The following SUGCT variants were observed in gnomAD, a reference collection of about 807,000 sequenced individuals.
SUGCT encodes succinyl-CoA:glutarate-CoA transferase, also known as succinyl-CoA:glutarate CoA-transferase.
A neutral mutation model predicts 55.0 loss-of-function variants in SUGCT; 41 were observed. That is an observed-to-expected ratio of 0.74 (90% CI 0.58 to 0.97). The LOEUF is 0.97. SUGCT is among the 50% of genes least tolerant of loss of function. The pLI, the probability that SUGCT is intolerant of heterozygous loss-of-function variation, is 0.00. For synonymous variants in SUGCT, 187 were observed against 200.4 expected, an observed-to-expected ratio of 0.93 and a Z score of 0.56; for missense variants, 568 against 547.8, an observed-to-expected ratio of 1.04 and a Z score of -0.37.
chr7:40,982,505 G>A, the SUGCT span, among the ~76,000 whole-genome samples: 6 of 152,104 alleles, frequency 3.9e-5, no homozygotes, highest in Non-Finnish European at 7.4e-5. Flanking sequence ...ATAAACAATA[G>A]CAGTTTATTT....
chr7:40,511,082 T>C (rs1305988251), intron 12 of SUGCT, among the ~76,000 whole-genome samples: 1 of 152,172 alleles, frequency 6.6e-6, no homozygotes, highest in Non-Finnish European at 1.5e-5. Context: ...GTTTTCACAG[T>C]TAGACATAGT....
In SUGCT at chr7:40,788,706, C is replaced by T. The variant is rs1024421435; in HGVS notation, c.1153+39209C>T. Among the ~76,000 whole-genome samples the T allele has an allele frequency of 1.3e-4, 20 of 152,306 alleles. No individual in the cohort carries two copies. In the Middle Eastern group the frequency reaches 0.017, roughly 130 times the overall value. ...GCCTTTGCTTTCCACATGACCCTGT[C>T]ATGGCTCCTACTCATGGTAGTTCAG... On this transcript the variant is annotated intron_variant, in intron 13 of 13. Transcript: ENST00000335693.
At chr7:40,459,333 G>A in intron 11 of SUGCT, 135 bp downstream of exon 11, 1 of 602,232 alleles carries the variant, frequency 1.7e-6, no homozygotes. Flanking sequence ...ACTGGCTGGT[G>A]GAGAGATTTT....
At chr7:40,464,223 C>T (rs948398412) in intron 11 of SUGCT, among the ~76,000 whole-genome samples, 1 of 152,146 alleles carries the variant, frequency 6.6e-6, no homozygotes, top group Non-Finnish European at 1.5e-5. Context: ...GACTGTGTAC[C>T]ATTGTCCTGC....
At chr7:40,807,298 T>C (rs1046928756) in intron 13 of SUGCT, among the ~76,000 whole-genome samples, 1 of 152,204 alleles carries the variant, frequency 6.6e-6, no homozygotes, top group Non-Finnish European at 1.5e-5. Flanking sequence ...GGTGCCATGG[T>C]GGTTTGTTGC....
chr7:40,637,579 G>A (rs1421878249), intron 12 of SUGCT, among the ~76,000 whole-genome samples: 1 of 152,194 alleles, frequency 6.6e-6, no homozygotes, highest in Non-Finnish European at 1.5e-5. Flanking sequence ...TAGAACACAT[G>A]GCTCTCTAGA....
At chr7:40,587,273 G>A (rs1319276213) in intron 12 of SUGCT, among the ~76,000 whole-genome samples, 3 of 151,922 alleles carry the variant, frequency 2.0e-5, no homozygotes, top group African/African-American at 7.3e-5. Flanking sequence ...AACAAAAAGG[G>A]GTGAATTTTA....
chr7:40,400,056 A>G (rs1335674102), intron 9 of SUGCT, among the ~76,000 whole-genome samples: 3 of 152,168 alleles, frequency 2.0e-5, no homozygotes, highest in Non-Finnish European at 4.4e-5. Flanking sequence ...TCAAAAAATA[A>G]TAATAACAAA....
chr7:40,881,673 T>C, the SUGCT span, among the ~76,000 whole-genome samples: 15 of 152,204 alleles, frequency 9.9e-5, no homozygotes, highest in Non-Finnish European at 1.5e-5. Context: ...CCCCAATCTC[T>C]TTTCCAGATC....
intron 12 of SUGCT, among the ~76,000 whole-genome samples, chr7:40,691,739 G>A (rs1784708507): frequency 6.6e-6 from 1 of 152,136 alleles, no homozygotes; most frequent in African/African-American, 2.4e-5. Flanking sequence ...CTGCTTGGAT[G>A]AACTCACCTA....
chr7:40,875,461 C>T, the SUGCT span, among the ~76,000 whole-genome samples: 1 of 152,164 alleles, frequency 6.6e-6, no homozygotes, highest in Non-Finnish European at 1.5e-5. Context: ...CCATATCTTC[C>T]ATTCCAGGCT....
At chr7:40,190,634 A>G in intron 5 of SUGCT, among the ~76,000 whole-genome samples, 1 of 144,038 alleles carries the variant, frequency 6.9e-6, no homozygotes. Flanking sequence ...CATAGTCAGC[A>G]CTCATGAGGT....
Position 40,822,069 on chromosome 7 carries a change from C to T in SUGCT, c.1154-38247C>T, listed in dbSNP as rs543862139. On this transcript the variant is annotated intron_variant, in intron 13 of 13. Coordinates refer to ENST00000335693, the MANE Select transcript of SUGCT (RefSeq NM_001193313.2). Reference sequence around the variant, plus strand: ...ATTGTTCAGTTTCCATGTAGTTGAGCGGTTTTGAGTGAGTTTCTTCATCCT... The same window carrying T: ...ATTGTTCAGTTTCCATGTAGTTGAGTGGTTTTGAGTGAGTTTCTTCATCCT... 4.6e-5 allele frequency among the ~76,000 whole-genome samples: 7 copies of T among 152,214 alleles called. No homozygotes were observed. The East Asian group carries it at 5.8e-4, about 13-fold the overall frequency.
chr7:40,598,944 C>A (rs76463179), intron 12 of SUGCT, among the ~76,000 whole-genome samples: 3,836 of 152,302 alleles, frequency 0.025, 158 homozygotes, highest in African/African-American at 0.089. Flanking sequence ...GCATCTCTCT[C>A]ATCTCCAAGA....
chr7:40,582,697 C>T (rs915420001), intron 12 of SUGCT, among the ~76,000 whole-genome samples: 1 of 152,066 alleles, frequency 6.6e-6, no homozygotes, highest in African/African-American at 2.4e-5. Flanking sequence ...GCTCTGGCGT[C>T]GATAACTTCA....
At chr7:40,804,205 A>G (rs931167574) in intron 13 of SUGCT, among the ~76,000 whole-genome samples, 3 of 152,216 alleles carry the variant, frequency 2.0e-5, no homozygotes, top group Non-Finnish European at 2.9e-5. Flanking sequence ...GTGCATAAAT[A>G]TAACATTGGG....
chr7:40,295,991 G>A (rs1794118061), intron 8 of SUGCT, among the ~76,000 whole-genome samples: 2 of 152,088 alleles, frequency 1.3e-5, no homozygotes. Context: ...GACTGTTTCT[G>A]AACTCTGCAA....
At chr7:41,027,520 T>C in the SUGCT span, among the ~76,000 whole-genome samples, 2 of 152,176 alleles carry the variant, frequency 1.3e-5, no homozygotes, top group African/African-American at 2.4e-5. Context: ...ATATGCATAA[T>C]GTTCTGCGGT....
chr7:40,267,556 T>C (rs928682077), intron 7 of SUGCT, among the ~76,000 whole-genome samples: 1 of 152,164 alleles, frequency 6.6e-6, no homozygotes, highest in African/African-American at 2.4e-5. Context: ...TTACCCATGA[T>C]AGAGACAATA....
Sources: allele counts gnomAD v4.1 joint callset (sites outside exome capture counted in the v4.1 genomes callset), GRCh38; gene constraint gnomAD v4.1.1; transcripts MANE v1.5; gene names NCBI Gene and HGNC (gene_info 2026-07-23, HGNC 2026-07-21).